Variants in BAZ2B observed in about 807,000 individuals in gnomAD.
BAZ2B encodes bromodomain adjacent to zinc finger domain protein 2B.
Under a neutral mutation model 246.0 loss-of-function variants are expected in BAZ2B, and 91 were observed. The ratio of observed to expected loss-of-function variants is 0.37; its 90% CI spans 0.31 to 0.44. The LOEUF is 0.44. Among genes scored for constraint, BAZ2B ranks in the 20% least tolerant of loss-of-function variants. The probability of loss-of-function intolerance (pLI) is 1.00; values close to 1 mark genes in which losing one functional copy is unlikely to be tolerated. For missense variants in BAZ2B, 2,332 were observed against 2,533.7 expected, an observed-to-expected ratio of 0.92 and a Z score of 1.71; for synonymous variants, 855 against 860.0, an observed-to-expected ratio of 0.99 and a Z score of 0.10.
intron 14 of BAZ2B, among the ~76,000 whole-genome samples, chr2:159,407,902 C>T (rs2066206592): frequency 6.6e-6 from 1 of 152,092 alleles, no homozygotes; most frequent in African/African-American, 2.4e-5. Context: ...GAATATTATT[C>T]TCATCTATAA....
At chr2:159,422,214 C>T (rs751913510) in intron 13 of BAZ2B, among the ~76,000 whole-genome samples, 20 of 152,100 alleles carry the variant, frequency 1.3e-4, no homozygotes, top group African/African-American at 2.7e-4. Context: ...AAACCATCAA[C>T]GTAATGTTTC....
chr2:159,381,780 C>T (rs895326055), intron 25 of BAZ2B, among the ~76,000 whole-genome samples: 6 of 152,196 alleles, frequency 3.9e-5, no homozygotes, highest in African/African-American at 1.4e-4. Flanking sequence ...ATCATTGTTG[C>T]ATATGAGACT....
At chr2:159,324,779 A>C (rs768228502) in intron 36 of BAZ2B, 32 bp downstream of exon 36, 63 of 1,418,498 alleles carry the variant, frequency 4.4e-5, no homozygotes, top group Non-Finnish European at 5.6e-5. Context: ...GGTATTCAAT[A>C]AATATTTAGT....
chr2:159,617,621 CTA>C (rs1207623455), upstream of BAZ2B, among the ~76,000 whole-genome samples: 1 of 152,016 alleles, frequency 6.6e-6, no homozygotes, highest in South Asian at 2.1e-4. Flanking sequence ...ATTTGATCAT[CTA>C]TGTATATTTT....
intron 16 of BAZ2B, 125 bp from the exon 17 acceptor site, chr2:159,400,789 C>T (rs2064883892): frequency 1.1e-5 from 6 of 525,616 alleles, no homozygotes; most frequent in Non-Finnish European, 1.7e-5. Context: ...ACCTGTAATC[C>T]CAGCACTTTG....
At chr2:159,393,032 G>T (rs1234156604) in intron 20 of BAZ2B, among the ~76,000 whole-genome samples, 1 of 136,216 alleles carries the variant, frequency 7.3e-6, no homozygotes, top group African/African-American at 2.9e-5. Context: ...ACTGATGACT[G>T]AACAACAAAT....
At chr2:159,667,784 G>C in the BAZ2B span, among the ~76,000 whole-genome samples, 4 of 151,900 alleles carry the variant, frequency 2.6e-5, no homozygotes, top group Non-Finnish European at 5.9e-5. Context: ...ATAACAAATA[G>C]TTATGATTAT....
intron 2 of BAZ2B, among the ~76,000 whole-genome samples, chr2:159,527,312 T>C (rs1466294145): frequency 6.6e-6 from 1 of 152,200 alleles, no homozygotes; most frequent in African/African-American, 2.4e-5. Flanking sequence ...TTTGCCTTTT[T>C]ACTATTGAGT....
At chr2:159,539,177 C>T (rs2086362867) in intron 2 of BAZ2B, among the ~76,000 whole-genome samples, 1 of 152,218 alleles carries the variant, frequency 6.6e-6, no homozygotes, top group Non-Finnish European at 1.5e-5. Context: ...CCATCTACCA[C>T]AGCTATAATG....
At chr2:159,462,694 C>G (rs1246789195) in intron 3 of BAZ2B, 1 of 1,357,246 alleles carries the variant, frequency 7.4e-7, no homozygotes. Flanking sequence ...CTCCAACCAC[C>G]TGGGCTGTAG....
Position 159,488,868 on chromosome 2 carries a change from A to G in BAZ2B, c.-2-10147T>C, listed in dbSNP as rs560361377. Among the ~76,000 whole-genome samples, 4 of 152,246 alleles carry G rather than the reference A, an allele frequency of 2.6e-5. No individual in the cohort carries two copies. The South Asian group carries it at 8.3e-4, about 32-fold the overall frequency. The stretch of plus-strand genomic sequence containing the variant: ...TCATTTCTCCAGGATGGTCCAGAAG[A>G]AGTGAATTAGTCACAAACTCTGGAG... On this transcript the variant is annotated intron_variant, in intron 2 of 36. Coordinates refer to ENST00000392783, the MANE Select transcript of BAZ2B (RefSeq NM_013450.4).
chr2:159,501,159 A>AT (rs2081704857), intron 2 of BAZ2B, among the ~76,000 whole-genome samples: 5 of 89,294 alleles, frequency 5.6e-5, no homozygotes, highest in South Asian at 6.9e-4. Context: ...AATATATATA[A>AT]ATATATAATA....
rs544171600 is a variant in BAZ2B, at chr2:159,454,099, C to T, written c.146-298G>A. On this transcript the variant is annotated intron_variant, in intron 3 of 36. Coordinates refer to ENST00000392783, the MANE Select transcript of BAZ2B (RefSeq NM_013450.4). ...ATTGTCTGACCTGAGGAAGTGAGGCCAATTTTCTGTTAATATATATACATT... is the reference window on the plus strand; with the variant it reads ...ATTGTCTGACCTGAGGAAGTGAGGCTAATTTTCTGTTAATATATATACATT... Among the ~76,000 whole-genome samples the T allele has an allele frequency of 4.6e-5, 7 of 151,840 alleles. No individual in the cohort carries two copies. The East Asian group carries it at 1.4e-3, about 29-fold the overall frequency.
At chr2:159,659,338 A>G in the BAZ2B span, among the ~76,000 whole-genome samples, 1 of 152,184 alleles carries the variant, frequency 6.6e-6, no homozygotes, top group Non-Finnish European at 1.5e-5. Context: ...GAACCTACTA[A>G]AAGTTTGAGC....
intron 14 of BAZ2B, 90 bp downstream of exon 14, chr2:159,412,245 G>T: frequency 1.5e-6 from 2 of 1,292,252 alleles, no homozygotes; most frequent in Non-Finnish European, 2.2e-6. Context: ...AAAATTGAGA[G>T]CAGTGTCAAT....
chr2:159,411,939 T>G (rs2149903436), intron 14 of BAZ2B: 1 of 985,400 alleles, frequency 1.0e-6, no homozygotes, highest in East Asian at 1.1e-4. Flanking sequence ...GAAAATTTAC[T>G]CCACAGATCC....
intron 6 of BAZ2B, 88 bp from the exon 7 acceptor site, chr2:159,439,300 T>C (rs1269649597): frequency 1.7e-6 from 2 of 1,156,982 alleles, no homozygotes; most frequent in Admixed American, 2.3e-5. Flanking sequence ...AATTTTCAAA[T>C]GATATTTTCA....
At chr2:159,699,185 G>C in the BAZ2B span, among the ~76,000 whole-genome samples, 1 of 152,116 alleles carries the variant, frequency 6.6e-6, no homozygotes, top group African/African-American at 2.4e-5. Flanking sequence ...ACTTTCCTTG[G>C]AAGTTTTTGG....
At chr2:159,680,195 T>C in the BAZ2B span, among the ~76,000 whole-genome samples, 3 of 152,078 alleles carry the variant, frequency 2.0e-5, no homozygotes, top group African/African-American at 7.2e-5. Flanking sequence ...AAGTATAATC[T>C]TACAAAAAGG....
Sources: allele counts gnomAD v4.1 joint callset (sites outside exome capture counted in the v4.1 genomes callset), GRCh38; gene constraint gnomAD v4.1.1; transcripts MANE v1.5; gene names NCBI Gene and HGNC (gene_info 2026-07-23, HGNC 2026-07-21).